Variants in ARL8B observed in about 807,000 individuals in gnomAD.
The protein encoded by ARL8B is ADP-ribosylation factor-like protein 8B.
In ARL8B, 9 loss-of-function variants were observed where a neutral mutation model predicts 30.6. That is an observed-to-expected ratio of 0.29 (90% CI 0.18 to 0.51). ARL8B has a LOEUF of 0.51. Among genes scored for constraint, ARL8B ranks in the 20% least tolerant of loss-of-function variants. ARL8B has a pLI of 0.97. For synonymous variants in ARL8B, 74 were observed against 76.0 expected (o/e 0.97, Z 0.14); for missense variants, 130 against 227.2 (o/e 0.57, Z 2.75).
rs563420731 is a variant in ARL8B at position 5,174,209 on chromosome 3, AG to A, written c.440+126del. On this transcript the variant is annotated intron_variant, in intron 5 of 6. Transcript: ENST00000256496. ...TAGATAAAAGTTGGCCTATCAGAGA[AG>A]TGAATCCTAACATTTTAGGATTGCT... is the stretch of plus-strand genomic sequence containing the variant. 3.4e-4 allele frequency: 371 copies of A among 1,095,270 alleles called. 1 individual carries two copies. The African/African-American group carries it at 4.9e-3, about 15-fold the overall frequency. The allele number at this position is 1,095,270 out of a possible 1,614,324, so 67.8% of individuals were successfully genotyped here.
intron 1 of ARL8B, among the ~76,000 whole-genome samples, chr3:5,154,176 A>G (rs2106563758): frequency 6.6e-6 from 1 of 151,622 alleles, no homozygotes; most frequent in Non-Finnish European, 1.5e-5. Flanking sequence ...AAATTTTGGA[A>G]ATTTTCAGTC....
At chr3:5,130,737 C>T (rs1034187519) in intron 1 of ARL8B, among the ~76,000 whole-genome samples, 6 of 151,582 alleles carry the variant, frequency 4.0e-5, no homozygotes, top group Admixed American at 6.6e-5. Context: ...GGTTTCGCTA[C>T]GTTGGCCAGG....
chr3:5,124,774 A>T (rs887108290), intron 1 of ARL8B, among the ~76,000 whole-genome samples: 1 of 152,196 alleles, frequency 6.6e-6, no homozygotes, highest in African/African-American at 2.4e-5. Context: ...GAGCTTTTAT[A>T]TAATATGGAA....
intron 1 of ARL8B, among the ~76,000 whole-genome samples, chr3:5,129,204 C>T (rs1239839643): frequency 6.6e-6 from 1 of 151,862 alleles, no homozygotes; most frequent in Admixed American, 6.6e-5. Flanking sequence ...GATAGAGTCT[C>T]GCTCTTGTTG....
At chr3:5,146,226 A>G (rs2054417621) in intron 1 of ARL8B, among the ~76,000 whole-genome samples, 1 of 152,326 alleles carries the variant, frequency 6.6e-6, no homozygotes, top group Non-Finnish European at 1.5e-5. Context: ...CCCAGAATGC[A>G]TCTTTTAGAT....
chr3:5,172,242 T>C lies in ARL8B; in HGVS notation c.278+19T>C, dbSNP rs777488623. On this transcript the variant is annotated intron_variant, in intron 3 of 6. Coordinates refer to ENST00000256496, the MANE Select transcript of ARL8B (RefSeq NM_018184.3). ...CTATTGTGTAAGTGGTTTTTTTTTG[T>C]TTGTTTGCTTTTAAATCAATGTAGG... 1 of 1,596,548 alleles carries C rather than the reference T, an allele frequency of 6.3e-7. No individual in the cohort carries two copies. The highest frequency in any genetic ancestry group is 1.7e-5 in the Admixed American group (1 of 57,866).
chr3:5,170,634 G>C (rs780964792), intron 2 of ARL8B, 51 bp downstream of exon 2: 6 of 1,374,558 alleles, frequency 4.4e-6, no homozygotes, highest in Non-Finnish European at 6.1e-6. Flanking sequence ...CAGACCCCTA[G>C]AAATTTTTCT....
Position 5,170,594 on chromosome 3 carries a change from TC to T in ARL8B, c.204+12del. The T allele has an allele frequency of 6.3e-7, 1 of 1,596,770 alleles. No homozygotes were observed. The highest frequency in any genetic ancestry group is 1.1e-5 in the South Asian group (1 of 90,020). ...AACGTCACAATAAAGGTAAGTTATT[TC>T]TTGCCGTACGCAATTTAAATTGTTA... On this transcript the variant is annotated intron_variant, in intron 2 of 6. Coordinates refer to ENST00000256496, the MANE Select transcript of ARL8B (RefSeq NM_018184.3).
At chr3:5,157,387 T>C (rs2054542686) in intron 1 of ARL8B, among the ~76,000 whole-genome samples, 1 of 152,208 alleles carries the variant, frequency 6.6e-6, no homozygotes, top group African/African-American at 2.4e-5. Context: ...TCCCACTTCC[T>C]GGTCCTGAGC....
rs2054763819 is a variant in ARL8B, at chr3:5,179,926, A to T, written c.*1213A>T. 6.6e-6 allele frequency: 1 copy of T among 152,656 alleles called. No homozygotes were observed. The allele number at this position is 152,656 out of a possible 1,614,324, so 9.5% of individuals were successfully genotyped here. Reference sequence around the variant, plus strand: ...CTTCTATGATACAGAGATGTCTAAAAACTTCAAATGGACATGTTTTGTAGT... The same window carrying T: ...CTTCTATGATACAGAGATGTCTAAATACTTCAAATGGACATGTTTTGTAGT... On this transcript the variant is annotated 3_prime_UTR_variant, in exon 7 of 7. Coordinates refer to ENST00000256496, the MANE Select transcript of ARL8B (RefSeq NM_018184.3).
In ARL8B at chr3:5,171,981, G is replaced by T. The variant is rs949526224; in HGVS notation, c.205-169G>T. ...ACTTCAAGTTTAGAAGTGGCCCCAA[G>T]AATTCCCATATTAAGAGCTTGTTTG... is the stretch of plus-strand genomic sequence containing the variant. On this transcript the variant is annotated intron_variant, in intron 2 of 6. Coordinates refer to ENST00000256496, the MANE Select transcript of ARL8B (RefSeq NM_018184.3). Among the ~76,000 whole-genome samples the T allele has an allele frequency of 2.6e-5, 4 of 152,204 alleles. No individual in the cohort carries two copies. In the East Asian group the frequency reaches 7.7e-4, roughly 29 times the overall value.
At chr3:5,174,921 G>A (rs1477923671) in intron 6 of ARL8B, among the ~76,000 whole-genome samples, 1 of 151,644 alleles carries the variant, frequency 6.6e-6, no homozygotes, top group African/African-American at 2.4e-5. Context: ...TTGTGCCTCA[G>A]CCTCCTGAGT....
Position 5,152,346 on chromosome 3 carries a change from A to T in ARL8B, c.124-18157A>T, listed in dbSNP as rs1332836783. ...TGTAATGTCCCTCTTTATCCTTGGT[A>T]TATTTTCTTGCTTTGAAGTCGGCTT... On this transcript the variant is annotated intron_variant, in intron 1 of 6. Transcript: ENST00000256496. 2.6e-5 allele frequency among the ~76,000 whole-genome samples: 4 copies of T among 152,176 alleles called. No individual in the cohort carries two copies. In the South Asian group the frequency reaches 6.2e-4, roughly 24 times the overall value.
chr3:5,139,633 G>GA (rs2054355009), intron 1 of ARL8B, among the ~76,000 whole-genome samples: 1 of 152,202 alleles, frequency 6.6e-6, no homozygotes, highest in Admixed American at 6.5e-5. Context: ...GCCACTGATG[G>GA]ATACTGCAGT....
chr3:5,170,050 C>A (rs553261775), intron 1 of ARL8B, among the ~76,000 whole-genome samples: 116 of 152,276 alleles, frequency 7.6e-4, no homozygotes, highest in Non-Finnish European at 1.1e-3. Flanking sequence ...GGAAAAACTT[C>A]TGTATGACAA....
intron 1 of ARL8B, among the ~76,000 whole-genome samples, chr3:5,144,710 A>T (rs902183424): frequency 6.6e-6 from 1 of 152,242 alleles, no homozygotes; most frequent in Non-Finnish European, 1.5e-5. Context: ...GGAGGCTTGC[A>T]TAGCAGCTTT....
intron 1 of ARL8B, among the ~76,000 whole-genome samples, chr3:5,163,345 C>T (rs1011714664): frequency 3.3e-5 from 5 of 152,164 alleles, no homozygotes; most frequent in Non-Finnish European, 5.9e-5. Flanking sequence ...GTATTAATAT[C>T]GCTGAATCTT....
At chr3:5,150,725 G>A (rs769862198) in intron 1 of ARL8B, among the ~76,000 whole-genome samples, 2 of 152,248 alleles carry the variant, frequency 1.3e-5, no homozygotes, top group Non-Finnish European at 2.9e-5. Flanking sequence ...GAAGCTTGCA[G>A]TGAGCCAGGA....
chr3:5,135,720 G>A (rs959614019), intron 1 of ARL8B, among the ~76,000 whole-genome samples: 1 of 150,892 alleles, frequency 6.6e-6, no homozygotes, highest in East Asian at 1.9e-4. Flanking sequence ...GCCTCCTAAA[G>A]TGCTAGGATT....
Sources: allele counts gnomAD v4.1 joint callset (sites outside exome capture counted in the v4.1 genomes callset), GRCh38; gene constraint gnomAD v4.1.1; transcripts MANE v1.5; gene names NCBI Gene and HGNC (gene_info 2026-07-23, HGNC 2026-07-21).